The following SH2D3C variants were observed in gnomAD, a reference collection of about 807,000 sequenced individuals.
SH2D3C encodes the protein SH2 domain-containing protein 3C.
In SH2D3C, 25 loss-of-function variants were observed where a neutral mutation model predicts 75.2. The ratio of observed to expected loss-of-function variants is 0.33; its 90% CI spans 0.24 to 0.46. The LOEUF is 0.46. Among genes scored for constraint, SH2D3C ranks in the 20% least tolerant of loss-of-function variants. SH2D3C has a pLI of 1.00. For synonymous variants in SH2D3C, 450 were observed against 473.7 expected (o/e 0.95, Z 0.65); for missense variants, 933 against 1,165.3 (o/e 0.80, Z 2.90).
At chr9:127,759,800 G>A (rs1460781775) in intron 3 of SH2D3C, among the ~76,000 whole-genome samples, 3 of 151,852 alleles carry the variant, frequency 2.0e-5, no homozygotes, top group African/African-American at 4.8e-5. Context: ...TGGCTAACAC[G>A]GTGAAACTCC....
At chr9:127,761,780 G>A in intron 2 of SH2D3C, 130 bp from the exon 3 acceptor site, 1 of 668,900 alleles carries the variant, frequency 1.5e-6, no homozygotes, top group South Asian at 2.0e-5. Context: ...AAGGCAGGAG[G>A]GGGCACTTAT....
chr9:127,768,156 G>A (rs1845669697), intron 2 of SH2D3C, among the ~76,000 whole-genome samples: 1 of 152,134 alleles, frequency 6.6e-6, no homozygotes, highest in Non-Finnish European at 1.5e-5. Flanking sequence ...GCACAGACAC[G>A]GCCCACCACG....
chr9:127,749,166 T>C lies in SH2D3C; in HGVS notation c.1139+45A>G. On this transcript the variant is annotated intron_variant, in intron 5 of 11. Coordinates refer to ENST00000314830, the MANE Select transcript of SH2D3C (RefSeq NM_170600.3). This position sits in a 1 kb window ranked among gnomAD's most constrained non-coding sequence, Gnocchi z 5.9. ...TAGGCCTTCTCTTTCTCACTAGCCC[T>C]CTCATTACCCACAACCCCATTTGAC... The C allele has an allele frequency of 1.4e-6, 2 of 1,382,498 alleles. No individual in the cohort carries two copies. Among genetic ancestry groups the C allele is most frequent in the Admixed American group, 2.1e-5 (1 of 47,238 alleles). The allele number at this position is 1,382,498 out of a possible 1,614,324, so 85.6% of individuals were successfully genotyped here. A position where few individuals can be genotyped will look rare whatever the true frequency, so the allele number is the denominator to read the frequency against.
chr9:127,748,457 A>T (rs1230484850), intron 5 of SH2D3C, among the ~76,000 whole-genome samples: 1 of 152,242 alleles, frequency 6.6e-6, no homozygotes, highest in Non-Finnish European at 1.5e-5. Context: ...GCAAACAGCC[A>T]GGGAAACCAC....
chr9:127,749,202 C>G lies in SH2D3C; in HGVS notation c.1139+9G>C. On this transcript the variant is annotated intron_variant, in intron 5 of 11. Transcript: ENST00000314830. This position sits in a 1 kb window ranked among gnomAD's most constrained non-coding sequence, Gnocchi z 5.9. ...ACAACCCCATTTGACAAATGGGGCC[C>G]TGGCTGACCTGGTGGGGCAGCCATC... 1 of 1,541,396 alleles carries G rather than the reference C, an allele frequency of 6.5e-7. No individual in the cohort carries two copies. Among genetic ancestry groups the G allele is most frequent in the East Asian group, 2.3e-5 (1 of 44,212 alleles).
In SH2D3C at chr9:127,751,672, G is replaced by A. The variant is rs969955278; in HGVS notation, c.556-372C>T. Among the ~76,000 whole-genome samples, 1 of 152,230 alleles carries A rather than the reference G, an allele frequency of 6.6e-6. No individual in the cohort carries two copies. Among genetic ancestry groups the A allele is most frequent in the Admixed American group, 6.5e-5 (1 of 15,286 alleles). On this transcript the variant is annotated intron_variant, in intron 3 of 11. Transcript: ENST00000314830. This position sits in a 1 kb window ranked among gnomAD's most constrained non-coding sequence, Gnocchi z 4.1. Reference sequence around the variant, plus strand: ...AAAGAGCCGGGTGGCTTTTACAAGCGGGATTAAGCCTGGGCACGACAGAGG... The same window carrying A: ...AAAGAGCCGGGTGGCTTTTACAAGCAGGATTAAGCCTGGGCACGACAGAGG...
intron 3 of SH2D3C, among the ~76,000 whole-genome samples, chr9:127,752,021 A>C (rs1486560621): frequency 6.6e-6 from 1 of 152,152 alleles, no homozygotes; most frequent in Non-Finnish European, 1.5e-5. Flanking sequence ...CCTCACCCAG[A>C]TGGGGAGACC....
rs950404998 is a variant in SH2D3C at position 127,744,597 on chromosome 9, C to T, written c.1767G>A (p.Thr589=). The change falls in exon 7 of 12, where the codon ACG becomes ACA. Residue 589 remains threonine, a synonymous_variant. Coordinates refer to ENST00000314830, the MANE Select transcript of SH2D3C (RefSeq NM_170600.3). ...KELLAEVDAR[T]LARHVTKVDC... ...CCACCTTGGTGACATGCCGGGCCAG[C>T]GTCCGGGCATCCACTTCTGCCAGCA... The T allele has an allele frequency of 3.1e-6, 5 of 1,611,824 alleles. No homozygotes were observed. In the East Asian group the frequency reaches 1.1e-4, roughly 36 times the overall value.
Position 127,763,117 on chromosome 9 carries a change from A to T in SH2D3C, c.516-1467T>A, listed in dbSNP as rs540021618. Among the ~76,000 whole-genome samples the T allele has an allele frequency of 2.6e-5, 4 of 152,196 alleles. No homozygotes were observed. In the East Asian group the frequency reaches 7.7e-4, roughly 29 times the overall value. On this transcript the variant is annotated intron_variant, in intron 2 of 11. Coordinates refer to ENST00000314830, the MANE Select transcript of SH2D3C (RefSeq NM_170600.3). Reference sequence around the variant, plus strand: ...CGCACTTGCTGTTCCCTCTGCCTGGAATGCTCTTCCCCAAGGGCTTCATGA... The same window carrying T: ...CGCACTTGCTGTTCCCTCTGCCTGGTATGCTCTTCCCCAAGGGCTTCATGA...
At chr9:127,765,502 G>A (rs539155597) in intron 2 of SH2D3C, among the ~76,000 whole-genome samples, 3 of 152,094 alleles carry the variant, frequency 2.0e-5, no homozygotes, top group Admixed American at 2.0e-4. Context: ...CCTCCTGGCT[G>A]GGCCCTCTGT....
chr9:127,750,211 G>A (rs988077010), intron 4 of SH2D3C, among the ~76,000 whole-genome samples: 2 of 151,458 alleles, frequency 1.3e-5, no homozygotes, highest in African/African-American at 4.9e-5. Flanking sequence ...ACCCAGGCTG[G>A]AGTGAGGTGG....
At chr9:127,765,222 C>T (rs1238374530) in intron 2 of SH2D3C, among the ~76,000 whole-genome samples, 6 of 152,142 alleles carry the variant, frequency 3.9e-5, no homozygotes, top group Admixed American at 3.9e-4. Context: ...AAGGTCTTCC[C>T]TGGCCACCCT....
At chr9:127,770,886 TG>T (rs1039952233) in intron 2 of SH2D3C, among the ~76,000 whole-genome samples, 7 of 152,212 alleles carry the variant, frequency 4.6e-5, no homozygotes, top group Non-Finnish European at 7.3e-5. Flanking sequence ...GCCAGGAAGC[TG>T]GGTTTAAACC....
chr9:127,764,192 G>A (rs1190801885), intron 2 of SH2D3C, among the ~76,000 whole-genome samples: 1 of 152,190 alleles, frequency 6.6e-6, no homozygotes, highest in East Asian at 1.9e-4. Context: ...TGACTAGGGT[G>A]GCCAGAGCCT....
At chr9:127,740,209 A>G in intron 10 of SH2D3C, 49 bp downstream of exon 10, 9 of 1,494,352 alleles carry the variant, frequency 6.0e-6, no homozygotes, top group Non-Finnish European at 8.4e-6. Flanking sequence ...AGTCTTTGCA[A>G]CCCCAGGGAG....
Position 127,751,843 on chromosome 9 carries a change from T to A in SH2D3C, c.556-543A>T, listed in dbSNP as rs113858555. Among the ~76,000 whole-genome samples the A allele has an allele frequency of 5.0e-3, 757 of 152,262 alleles. 5 individuals are homozygous for A. The highest frequency in any genetic ancestry group is 0.014 in the African/African-American group (563 of 41,550). ...CAGCAGGTAACTGCAGGAAAAGCTA[T>A]GAACAAAACCACAGAACTGGTTGGA... On this transcript the variant is annotated intron_variant, in intron 3 of 11. Coordinates refer to ENST00000314830, the MANE Select transcript of SH2D3C (RefSeq NM_170600.3). This position sits in a 1 kb window ranked among gnomAD's most constrained non-coding sequence, Gnocchi z 4.1.
chr9:127,778,510 A>G, intron 1 of SH2D3C, 81 bp downstream of exon 1: 2 of 1,052,442 alleles, frequency 1.9e-6, no homozygotes, highest in Non-Finnish European at 1.5e-6. Context: ...GAAATGAGAC[A>G]GTGATGAAGA....
At chr9:127,745,546 C>A (rs1336895523) in intron 6 of SH2D3C, among the ~76,000 whole-genome samples, 1 of 149,926 alleles carries the variant, frequency 6.7e-6, no homozygotes, top group Non-Finnish European at 1.5e-5. Context: ...TCACTGCAAC[C>A]TCCACCTCCT....
At position 127,739,932 on chromosome 9, in the gene SH2D3C, C is replaced by A; in HGVS notation, c.2201-44G>T. 6.8e-7 allele frequency: 1 copy of A among 1,463,048 alleles called. No individual in the cohort carries two copies. Among genetic ancestry groups the A allele is most frequent in the South Asian group, 1.4e-5 (1 of 72,862 alleles). The allele number at this position is 1,463,048 out of a possible 1,614,324, so 90.6% of individuals were successfully genotyped here. A position where few individuals can be genotyped will look rare whatever the true frequency, so the allele number is the denominator to read the frequency against. On this transcript the variant is annotated intron_variant, in intron 10 of 11. Transcript: ENST00000314830. This position sits in a 1 kb window ranked among gnomAD's most constrained non-coding sequence, Gnocchi z 4.3. ...CAGGCGCTTAAAGATCCTGTAGTGC[C>A]CCACCATCCACTGCAGTCCTGGAAG...
Sources: allele counts gnomAD v4.1 joint callset (sites outside exome capture counted in the v4.1 genomes callset), GRCh38; gene constraint gnomAD v4.1.1; non-coding constraint Gnocchi (gnomAD v3.1); transcripts MANE v1.5; gene names NCBI Gene and HGNC (gene_info 2026-07-23, HGNC 2026-07-21).